The following TRPM1 variants were observed in gnomAD, a reference collection of about 807,000 sequenced individuals.
The protein encoded by TRPM1 is transient receptor potential cation channel subfamily M member 1.
In TRPM1, 113 loss-of-function variants were observed where a neutral mutation model predicts 149.4. The ratio of observed to expected loss-of-function variants is 0.76; its 90% CI spans 0.65 to 0.88. The LOEUF is 0.88. Ranked by LOEUF, TRPM1 falls within the 40% of genes least tolerant of loss-of-function variation. TRPM1 has a pLI of 0.00. For synonymous variants in TRPM1, 741 were observed against 759.5 expected, an observed-to-expected ratio of 0.98 and a Z score of 0.40; for missense variants, 1,976 against 2,038.7, an observed-to-expected ratio of 0.97 and a Z score of 0.59.
At chr15:31,113,883 T>A (rs533145382) in intron 1 of TRPM1, among the ~76,000 whole-genome samples, 2 of 152,326 alleles carry the variant, frequency 1.3e-5, no homozygotes, top group Admixed American at 6.5e-5. Context: ...CCGAGCAAAT[T>A]GACTTTGCTG....
chr15:31,070,057 C>T lies in TRPM1; in HGVS notation c.253G>A (p.Gly85Ser). 6.2e-7 allele frequency: 1 copy of T among 1,614,166 alleles called. No homozygotes were observed. Among genetic ancestry groups the T allele is most frequent in the Non-Finnish European group, 8.5e-7 (1 of 1,180,048 alleles). Residue 85 changes from glycine to serine, a missense_variant, in exon 4 of 28, where the codon GGT becomes AGT. Transcript: ENST00000256552. ...TDSYGVLEFQ[G>S]GGYSNKAMYI... ...ATGGCTTTATTGGAATATCCGCCAC[C>T]CTGGAATTCAAGAACTCCATAGGAA... is the stretch of plus-strand genomic sequence containing the variant.
rs757917155 is a variant in TRPM1 at position 31,040,117 on chromosome 15, C to T, written c.2316+1G>A. The T allele has an allele frequency of 1.4e-5, 23 of 1,614,054 alleles. No individual in the cohort carries two copies. Among genetic ancestry groups the T allele is most frequent in the Non-Finnish European group, 1.9e-5 (23 of 1,180,014 alleles). ...CCCGCCTCGCAGCACGTTGCACGCA[C>T]CTTCAGGCCGGGGTTCTTCCGCATC... On this transcript the variant is annotated splice_donor_variant, in intron 18 of 27. Coordinates refer to ENST00000256552, the MANE Select transcript of TRPM1 (RefSeq NM_001252024.2). LOFTEE classifies it high-confidence loss of function. The surrounding 1 kb of genome is among the most constrained non-coding windows in gnomAD (Gnocchi z 4.2).
chr15:31,014,720 A>G (rs1429560266), intron 27 of TRPM1, among the ~76,000 whole-genome samples: 9 of 152,112 alleles, frequency 5.9e-5, no homozygotes, highest in African/African-American at 1.9e-4. Flanking sequence ...TGCCTTTGGT[A>G]TGTGAATAAG....
At chr15:31,161,083 G>A (rs930506191) in exon 1 of TRPM1, 4 of 985,396 alleles carry the variant, frequency 4.1e-6, no homozygotes, top group East Asian at 2.6e-5. Context: ...CCCCACACTC[G>A]GCGGCAGCCC....
intron 16 of TRPM1, 36 bp downstream of exon 16, chr15:31,046,168 G>T (rs750659668): frequency 6.2e-7 from 1 of 1,605,396 alleles, no homozygotes; most frequent in Non-Finnish European, 8.5e-7. Flanking sequence ...ATTTGACCAG[G>T]ATATTATAAA....
chr15:31,143,604 G>A (rs2036186228), intron 1 of TRPM1, among the ~76,000 whole-genome samples: 1 of 152,030 alleles, frequency 6.6e-6, no homozygotes, highest in Non-Finnish European at 1.5e-5. Flanking sequence ...GTAGAGATGG[G>A]GTTTCACCAT....
intron 22 of TRPM1, 131 bp from the exon 23 acceptor site, chr15:31,031,288 T>A: frequency 1.0e-6 from 1 of 971,186 alleles, no homozygotes; most frequent in Non-Finnish European, 1.6e-6. Context: ...CTCTTTCCCT[T>A]CCTTTCTTCC....
intron 22 of TRPM1, 130 bp downstream of exon 22, chr15:31,032,559 T>C: frequency 9.5e-7 from 1 of 1,053,368 alleles, no homozygotes; most frequent in Non-Finnish European, 1.5e-6. Flanking sequence ...AAGCAAAGAA[T>C]ATTTCCTTTA....
intron 16 of TRPM1, among the ~76,000 whole-genome samples, chr15:31,045,548 A>G (rs1457721985): frequency 2.0e-5 from 3 of 152,172 alleles, no homozygotes; most frequent in Non-Finnish European, 2.9e-5. Context: ...CCAATAGGTA[A>G]GAATTATAAA....
intron 25 of TRPM1, among the ~76,000 whole-genome samples, chr15:31,028,068 A>G (rs2140903201): frequency 6.6e-6 from 1 of 152,344 alleles, no homozygotes; most frequent in East Asian, 1.9e-4. Context: ...CTAAGAAAAT[A>G]TTTTCATTAG....
In TRPM1 at chr15:31,038,145, G is replaced by A. The variant is rs751792952; in HGVS notation, c.2338C>T (p.Pro780Ser). 8 of 1,613,906 alleles carry A rather than the reference G, an allele frequency of 5.0e-6. No individual in the cohort carries two copies. In the South Asian group the frequency reaches 6.6e-5, roughly 13 times the overall value. Reference protein sequence around the residue: ...GLKVIMGILLPPTILFLEFRT... With the variant: ...GLKVIMGILLSPTILFLEFRT... ...AATTCCAAAAACAAGATGGTGGGGG[G>A]TAGAAGAATCCCCATGATAACCTAC... Residue 780 changes from proline (P) to serine (S), a missense_variant, in exon 19 of 28, where the codon CCC becomes TCC. Pro to Ser is a moderately conservative substitution (Grantham distance 74, BLOSUM62 -1). Coordinates refer to ENST00000256552, the MANE Select transcript of TRPM1 (RefSeq NM_001252024.2).
At chr15:31,039,320 T>C (rs945804878) in intron 18 of TRPM1, among the ~76,000 whole-genome samples, 1 of 152,200 alleles carries the variant, frequency 6.6e-6, no homozygotes, top group African/African-American at 2.4e-5. Context: ...CTGAAAACTG[T>C]TTATTAATAT....
chr15:31,054,316 A>G (rs1391077450), intron 11 of TRPM1, among the ~76,000 whole-genome samples: 3 of 151,712 alleles, frequency 2.0e-5, no homozygotes, highest in East Asian at 1.9e-4. Context: ...GTTTTTTGAG[A>G]CGGAGTTTTG....
chr15:31,076,969 T>G lies in TRPM1; in HGVS notation c.19A>C (p.Ile7Leu). Reference protein sequence around the residue: MGQKSWIEKTFCKRECI... With the variant: MGQKSWLEKTFCKRECI... The stretch of plus-strand genomic sequence containing the variant: ...TCCCGTTTGCAAAAGGTTTTCTCTA[T>G]CCAAGATTTCTGACCCTGGAAGAGA... Residue 7 changes from isoleucine to leucine, a missense_variant, in exon 3 of 28, where the codon ATA (isoleucine) becomes CTA (leucine). Coordinates refer to ENST00000256552, the MANE Select transcript of TRPM1 (RefSeq NM_001252024.2). The G allele has an allele frequency of 6.2e-7, 1 of 1,612,198 alleles. No homozygotes were observed. The highest frequency in any genetic ancestry group is 1.1e-5 in the South Asian group (1 of 91,052).
chr15:31,012,852 G>A lies in TRPM1; in HGVS notation c.3630-9782C>T, dbSNP rs145404964. Among the ~76,000 whole-genome samples the A allele has an allele frequency of 2.7e-3, 409 of 151,964 alleles. 1 individual carries two copies. The highest frequency in any genetic ancestry group is 9.0e-3 in the African/African-American group (375 of 41,448). ...TAATTTTTAACTGATTTATCTTCCA[G>A]TTTGCTGATTCTTTAATCTACCTGC... On this transcript the variant is annotated intron_variant, in intron 27 of 27. Coordinates refer to ENST00000256552, the MANE Select transcript of TRPM1 (RefSeq NM_001252024.2).
At chr15:31,148,882 T>C (rs1287506602) in intron 1 of TRPM1, among the ~76,000 whole-genome samples, 3 of 152,130 alleles carry the variant, frequency 2.0e-5, no homozygotes, top group African/African-American at 4.8e-5. Context: ...CTAGGCATGC[T>C]GGGAGCCAGG....
rs2033918463 is a variant in TRPM1, at chr15:31,050,530, T to A, written c.1316A>T (p.Lys439Met). 6.2e-7 allele frequency: 1 copy of A among 1,614,166 alleles called. No individual in the cohort carries two copies. The change falls in exon 12 of 28, where the codon AAG (lysine) becomes ATG (methionine). Residue 439 changes from lysine to methionine, a missense_variant. By Grantham distance (95) the Lys-to-Met change is moderately conservative (BLOSUM62 -1). This residue lies in a region of TRPM1 where 1,332 missense variants were observed against 1,347.1 expected (regional missense o/e 0.99). Transcript: ENST00000256552. ...CTTGGTGGTGGCCATGGGTGGCTTC[T>A]TCTCCTTCTCCGTGGCTTTGCTGTC... Reference protein sequence around the residue: ...PTDSKATEKEKKPPMATTKGG... With the variant: ...PTDSKATEKEMKPPMATTKGG...
intron 7 of TRPM1, chr15:31,065,160 C>G (rs372885289): frequency 7.7e-5 from 41 of 531,548 alleles, no homozygotes; most frequent in Admixed American, 4.3e-4. Context: ...GTTGTAAAAA[C>G]TTACAAGTCC....
chr15:31,066,332 G>A (rs2034376521), intron 6 of TRPM1, 85 bp from the exon 7 acceptor site: 1 of 1,456,396 alleles, frequency 6.9e-7, no homozygotes, highest in Non-Finnish European at 9.6e-7. Flanking sequence ...CATATGTGTG[G>A]AGTGACTGCA....
Sources: gnomAD v4.1 joint callset for allele counts (sites outside exome capture counted in the v4.1 genomes callset) on GRCh38, gnomAD v4.1.1 for gene constraint, gnomAD v4.1.1 regional missense constraint, Gnocchi (gnomAD v3.1) non-coding constraint, MANE v1.5 for transcripts, NCBI Gene and HGNC (gene_info 2026-07-23, HGNC 2026-07-21) for gene names.